The following RFPL1 variants were observed in gnomAD, a reference collection of about 807,000 sequenced individuals.
RFPL1 encodes the protein ret finger protein-like 1.
RFPL1 carries 6 observed loss-of-function variants against 9.6 expected under a neutral mutation model. That is an observed-to-expected ratio of 0.62 (90% CI 0.34 to 1.23). The LOEUF (loss-of-function observed/expected upper bound fraction) is 1.23, where lower values mean the gene tolerates loss of function less well. Ranked by LOEUF, RFPL1 falls within the 50% of genes most tolerant of loss-of-function variation. The probability of loss-of-function intolerance (pLI) is 0.03; values close to 1 mark genes in which losing one functional copy is unlikely to be tolerated. For missense variants in RFPL1, 352 were observed against 398.4 expected (o/e 0.88, Z 0.99); for synonymous variants, 145 against 149.4 (o/e 0.97, Z 0.22).
chr22:29,425,276 T>G, the RFPL1 span, among the ~76,000 whole-genome samples: 1 of 152,052 alleles, frequency 6.6e-6, no homozygotes, highest in Non-Finnish European at 1.5e-5. Flanking sequence ...GAACACCCAC[T>G]TCACTTTGTC....
chr22:29,416,875 C>T, the RFPL1 span, among the ~76,000 whole-genome samples: 2 of 152,206 alleles, frequency 1.3e-5, no homozygotes, highest in African/African-American at 2.4e-5. Context: ...TGCTCATGAC[C>T]ACTGGGTGGA....
chr22:29,440,679 TCTC>T (rs1284367471), intron 1 of RFPL1: 2 of 152,150 alleles, frequency 1.3e-5, no homozygotes, highest in African/African-American at 4.8e-5. Flanking sequence ...TTCATGCCAT[TCTC>T]CTGCCTCAGT....
upstream of RFPL1, chr22:29,438,179 CTT>C (rs60607519): frequency 6.0e-4 from 57 of 94,834 alleles, no homozygotes; most frequent in East Asian, 4.0e-3. Flanking sequence ...CAGTCCCTCT[CTT>C]TTTTTTTTTT....
chr22:29,424,533 T>A, the RFPL1 span, among the ~76,000 whole-genome samples: 1 of 151,944 alleles, frequency 6.6e-6, no homozygotes, highest in Non-Finnish European at 1.5e-5. Flanking sequence ...GGCTTGTAAG[T>A]GGCTGGGCTG....
the RFPL1 span, among the ~76,000 whole-genome samples, chr22:29,395,960 G>A: frequency 1.3e-5 from 2 of 151,978 alleles, no homozygotes; most frequent in African/African-American, 4.8e-5. Context: ...GCAACAGAGC[G>A]AGACTCTGTC....
intron 1 of RFPL1, chr22:29,440,191 C>A (rs1380361426): frequency 6.6e-6 from 1 of 152,248 alleles, no homozygotes; most frequent in Non-Finnish European, 1.5e-5. Flanking sequence ...CTGACTGTGT[C>A]TCTGCTGAAA....
the RFPL1 span, among the ~76,000 whole-genome samples, chr22:29,405,454 G>A: frequency 2.0e-5 from 3 of 151,230 alleles, no homozygotes; most frequent in Non-Finnish European, 4.4e-5. Context: ...GTCTTATGGG[G>A]CATAAAGCTA....
At chr22:29,439,531 T>C (rs537337750) in intron 1 of RFPL1, 5 of 219,196 alleles carry the variant, frequency 2.3e-5, no homozygotes, top group Non-Finnish European at 4.6e-5. Flanking sequence ...TACTTGGGGG[T>C]TGAGGCAGGA....
chr22:29,438,010 G>A (rs1029166047), upstream of RFPL1: 16 of 308,912 alleles, frequency 5.2e-5, no homozygotes, highest in African/African-American at 3.8e-4. Flanking sequence ...CCAGGTTGGA[G>A]TGACCTGGTG....
At chr22:29,422,547 G>A in the RFPL1 span, among the ~76,000 whole-genome samples, 70 of 152,054 alleles carry the variant, frequency 4.6e-4, no homozygotes, top group African/African-American at 1.6e-3. Context: ...CATTGTACTC[G>A]TGCCTGGGCA....
At chr22:29,390,726 G>A in the RFPL1 span, among the ~76,000 whole-genome samples, 1 of 151,288 alleles carries the variant, frequency 6.6e-6, no homozygotes. Context: ...TTCCCGAGTA[G>A]CTGGGACTAC....
At chr22:29,411,639 C>T in the RFPL1 span, among the ~76,000 whole-genome samples, 1 of 151,692 alleles carries the variant, frequency 6.6e-6, no homozygotes, top group Non-Finnish European at 1.5e-5. Context: ...GTGGACTAAT[C>T]TTTAAGAGTT....
At chr22:29,425,009 C>A in the RFPL1 span, among the ~76,000 whole-genome samples, 1 of 151,672 alleles carries the variant, frequency 6.6e-6, no homozygotes, top group Non-Finnish European at 1.5e-5. Flanking sequence ...TCGAGACCAT[C>A]CTGGCTAACA....
the RFPL1 span, among the ~76,000 whole-genome samples, chr22:29,392,822 TG>T: frequency 2.6e-5 from 4 of 152,298 alleles, no homozygotes; most frequent in East Asian, 5.8e-4. Flanking sequence ...CATTTCATCT[TG>T]GGGGGAACTT....
chr22:29,437,497 T>C (rs1344287107), upstream of RFPL1: 3 of 985,016 alleles, frequency 3.0e-6, no homozygotes, highest in African/African-American at 5.0e-5. Context: ...AAAAATACAC[T>C]GTCAGGATGA....
chr22:29,388,531 CG>C, the RFPL1 span: 2 of 152,264 alleles, frequency 1.3e-5, no homozygotes, highest in African/African-American at 4.8e-5. Context: ...GCCGGCGGCT[CG>C]GAGCCCCGCG....
chr22:29,406,115 C>CAAAAA, the RFPL1 span, among the ~76,000 whole-genome samples: 10 of 9,730 alleles, frequency 1.0e-3, no homozygotes, highest in Non-Finnish European at 2.0e-3. Flanking sequence ...GACTCCTTCT[C>CAAAAA]AAAAAAAAAA....
the RFPL1 span, among the ~76,000 whole-genome samples, chr22:29,406,977 G>A: frequency 7.2e-3 from 1,098 of 152,236 alleles, 13 homozygotes; most frequent in African/African-American, 0.025. Context: ...GCTATGTCAT[G>A]TTCTTCATTT....
chr22:29,423,236 A>G, the RFPL1 span: 2 of 1,239,740 alleles, frequency 1.6e-6, no homozygotes, highest in East Asian at 4.6e-5. Flanking sequence ...GCTCCATCCC[A>G]TCTTCAGTTA....
Sources: gnomAD v4.1 joint callset for allele counts (sites outside exome capture counted in the v4.1 genomes callset) on GRCh38, gnomAD v4.1.1 for gene constraint, MANE v1.5 for transcripts, NCBI Gene and HGNC (gene_info 2026-07-23, HGNC 2026-07-21) for gene names.